PRORP: variants seen among roughly 807,000 people sequenced by gnomAD.
PRORP encodes the protein protein only RNase P catalytic subunit.
In PRORP, 51 loss-of-function variants were observed where a neutral mutation model predicts 59.4. The observed-to-expected ratio is 0.86, with a 90% CI of 0.69 to 1.08. The LOEUF (loss-of-function observed/expected upper bound fraction) is 1.08, where lower values mean the gene tolerates loss of function less well. Among genes scored for constraint, PRORP ranks in the 50% least tolerant of loss-of-function variants. The pLI is 0.00. For missense variants in PRORP, 646 were observed against 690.3 expected (o/e 0.94, Z 0.72); for synonymous variants, 231 against 245.6 (o/e 0.94, Z 0.55).
chr14:35,254,746 G>T (rs1467445370), intron 5 of PRORP, among the ~76,000 whole-genome samples: 3 of 152,132 alleles, frequency 2.0e-5, no homozygotes, highest in African/African-American at 4.8e-5. Context: ...GGCAGGAAAA[G>T]ACTTTATACA....
intron 5 of PRORP, among the ~76,000 whole-genome samples, chr14:35,259,189 C>A (rs2050835271): frequency 6.6e-6 from 1 of 152,174 alleles, no homozygotes; most frequent in African/African-American, 2.4e-5. Flanking sequence ...ACCCTGTTAC[C>A]ATTATATAAC....
intron 5 of PRORP, among the ~76,000 whole-genome samples, chr14:35,242,394 G>C (rs1009619304): frequency 2.0e-4 from 31 of 152,214 alleles, no homozygotes; most frequent in African/African-American, 7.0e-4. Flanking sequence ...GTTACTGTAT[G>C]TTCTGCTGTT....
chr14:35,239,829 C>G (rs959315248), intron 5 of PRORP, among the ~76,000 whole-genome samples: 1 of 152,140 alleles, frequency 6.6e-6, no homozygotes, highest in African/African-American at 2.4e-5. Context: ...AATCCCAGCA[C>G]TTTGGGAGGC....
At chr14:35,147,684 T>G (rs528876100) in intron 4 of PRORP, among the ~76,000 whole-genome samples, 1 of 152,338 alleles carries the variant, frequency 6.6e-6, no homozygotes, top group South Asian at 2.1e-4. Flanking sequence ...CCACATAAAT[T>G]GACTCTTCTT....
intron 5 of PRORP, among the ~76,000 whole-genome samples, chr14:35,252,608 A>G (rs1254000849): frequency 6.6e-6 from 1 of 152,056 alleles, no homozygotes; most frequent in Non-Finnish European, 1.5e-5. Flanking sequence ...ACTGGGCTTT[A>G]CCCTGTCCAG....
At chr14:35,181,835 A>C (rs2048618732) in intron 5 of PRORP, among the ~76,000 whole-genome samples, 1 of 151,704 alleles carries the variant, frequency 6.6e-6, no homozygotes, top group South Asian at 2.1e-4. Context: ...ATACATATAT[A>C]TTATTTTTAT....
Position 35,160,904 on chromosome 14 carries a change from G to A in PRORP, c.1168-19766G>A, listed in dbSNP as rs536944339. Among the ~76,000 whole-genome samples, 32 of 152,238 alleles carry A rather than the reference G, an allele frequency of 2.1e-4. 1 individual carries two copies. The South Asian group carries it at 3.1e-3, about 15-fold the overall frequency. ...CATACATGCATACTACAAAGGGATC[G>A]ATCTTACCTCAGTCTAGTGCCCTTT... On this transcript the variant is annotated intron_variant, in intron 4 of 7. Coordinates refer to ENST00000534898, the MANE Select transcript of PRORP (RefSeq NM_014672.4).
At chr14:35,270,338 A>G in intron 6 of PRORP, 63 bp from the exon 7 acceptor site, 1 of 1,505,384 alleles carries the variant, frequency 6.6e-7, no homozygotes, top group Non-Finnish European at 9.1e-7. Context: ...AAGTACGGTG[A>G]AAAACACTGT....
At position 35,142,308 on chromosome 14, in the gene PRORP, C is replaced by T. The variant is rs1030671547; in HGVS notation, c.1167+14697C>T. 4.9e-5 allele frequency among the ~76,000 whole-genome samples: 7 copies of T among 142,794 alleles called. 1 individual carries two copies. Among genetic ancestry groups the T allele is most frequent in the African/African-American group, 7.4e-5 (3 of 40,650 alleles). The allele number at this position is 142,794 out of a possible 152,430, so 93.7% of individuals were successfully genotyped here. A position where few individuals can be genotyped will look rare whatever the true frequency, so the allele number is the denominator to read the frequency against. ...GGGATAATAAGTGTGAGCCACCACA[C>T]CTGGAAGCTCATCCTGTAAATTATA... On this transcript the variant is annotated intron_variant, in intron 4 of 7. Transcript: ENST00000534898.
At chr14:35,164,646 G>A (rs2048139440) in intron 4 of PRORP, among the ~76,000 whole-genome samples, 1 of 152,124 alleles carries the variant, frequency 6.6e-6, no homozygotes, top group African/African-American at 2.4e-5. Flanking sequence ...AGGGGGTGGG[G>A]TATGGGTTGA....
chr14:35,206,676 C>T (rs1227709469), intron 5 of PRORP, among the ~76,000 whole-genome samples: 9 of 152,212 alleles, frequency 5.9e-5, no homozygotes, highest in Non-Finnish European at 1.5e-5. Context: ...GAACTGCACA[C>T]CATCCCACCA....
At chr14:35,154,952 T>G (rs1285110862) in intron 4 of PRORP, among the ~76,000 whole-genome samples, 1 of 152,090 alleles carries the variant, frequency 6.6e-6, no homozygotes, top group Non-Finnish European at 1.5e-5. Flanking sequence ...TGGAGTGCAG[T>G]GGCACAATCA....
Position 35,199,167 on chromosome 14 carries a change from GA to G in PRORP, c.1275+18400del, listed in dbSNP as rs113686937. On this transcript the variant is annotated intron_variant, in intron 5 of 7. Transcript: ENST00000534898. Reference sequence around the variant, plus strand: ...TGGGCAACAAGAGTGAAACTCCTTTGAAAAAAAAAATACAAAAATTAGCTGG... The same window carrying G: ...TGGGCAACAAGAGTGAAACTCCTTTGAAAAAAAAATACAAAAATTAGCTGG... 9.7e-5 allele frequency among the ~76,000 whole-genome samples: 14 copies of G among 144,456 alleles called. 3 individuals are homozygous for G. The highest frequency in any genetic ancestry group is 3.0e-4 in the African/African-American group (12 of 39,378). 94.8% of individuals were successfully genotyped at this position (144,456 alleles called of 152,430 possible).
At chr14:35,198,183 C>T (rs1468595511) in intron 5 of PRORP, among the ~76,000 whole-genome samples, 1 of 152,180 alleles carries the variant, frequency 6.6e-6, no homozygotes, top group Non-Finnish European at 1.5e-5. Flanking sequence ...AAGACTCATT[C>T]ATTTATAGGC....
chr14:35,168,923 G>C (rs1595229753), intron 4 of PRORP, among the ~76,000 whole-genome samples: 1 of 150,260 alleles, frequency 6.7e-6, no homozygotes, highest in South Asian at 2.1e-4. Context: ...ATGTGAAATA[G>C]GGATTGAGGT....
chr14:35,141,937 G>A (rs940052111), intron 4 of PRORP, among the ~76,000 whole-genome samples: 1 of 144,906 alleles, frequency 6.9e-6, no homozygotes, highest in South Asian at 2.3e-4. Context: ...GGAGTGCAAT[G>A]GCACGATTTC....
rs1478602249 is a variant in PRORP, at chr14:35,276,136, G to C, written c.*2570G>C. 6.6e-6 allele frequency: 1 copy of C among 152,236 alleles called. No homozygotes were observed. Among genetic ancestry groups the C allele is most frequent in the African/African-American group, 2.4e-5 (1 of 41,436 alleles). The allele number at this position is 152,236 out of a possible 1,614,324, so 9.4% of individuals were successfully genotyped here. On this transcript the variant is annotated 3_prime_UTR_variant, in exon 8 of 8. Coordinates refer to ENST00000534898, the MANE Select transcript of PRORP (RefSeq NM_014672.4). ...CAGCCTAGGCAACACAGGGAGACCC[G>C]TGTCGACAAAAAATTTAAAAATTAG... is the stretch of plus-strand genomic sequence containing the variant.
intron 4 of PRORP, among the ~76,000 whole-genome samples, chr14:35,173,424 A>G (rs943271040): frequency 6.6e-6 from 1 of 152,158 alleles, no homozygotes; most frequent in African/African-American, 2.4e-5. Flanking sequence ...AGGTCTTTCA[A>G]GTCTTTCACC....
At chr14:35,236,044 C>T (rs1028536643) in intron 5 of PRORP, among the ~76,000 whole-genome samples, 2 of 143,812 alleles carry the variant, frequency 1.4e-5, no homozygotes, top group Admixed American at 7.5e-5. Flanking sequence ...TGCATTGAGC[C>T]GAGATTGTGC....
Sources: gnomAD v4.1 joint callset for allele counts (sites outside exome capture counted in the v4.1 genomes callset) on GRCh38, gnomAD v4.1.1 for gene constraint, MANE v1.5 for transcripts, NCBI Gene and HGNC (gene_info 2026-07-23, HGNC 2026-07-21) for gene names.